The following IMPA2 variants were observed in gnomAD, a reference collection of about 807,000 sequenced individuals.
IMPA2 encodes the protein IMP 2.
In IMPA2, 32 loss-of-function variants were observed where a neutral mutation model predicts 35.1. That is an observed-to-expected ratio of 0.91 (90% CI 0.69 to 1.23). IMPA2 has a LOEUF of 1.23. IMPA2 is among the 50% of genes most tolerant of loss of function. The pLI is 0.00. For missense variants in IMPA2, 334 were observed against 387.6 expected, an observed-to-expected ratio of 0.86 and a Z score of 1.16; for synonymous variants, 135 against 160.6, an observed-to-expected ratio of 0.84 and a Z score of 1.20.
chr18:12,017,347 G>A (rs886720529), intron 5 of IMPA2, among the ~76,000 whole-genome samples: 6 of 152,106 alleles, frequency 3.9e-5, no homozygotes, highest in African/African-American at 7.2e-5. Flanking sequence ...GTACTTCAGC[G>A]TGTCTCCAAA....
In IMPA2 at chr18:12,030,507, G is replaced by A. The variant is rs759413328; in HGVS notation, c.*49G>A. 3.3e-6 allele frequency: 5 copies of A among 1,499,290 alleles called. No individual in the cohort carries two copies. Among genetic ancestry groups the A allele is most frequent in the Non-Finnish European group, 4.6e-6 (5 of 1,076,628 alleles). The allele number at this position is 1,499,290 out of a possible 1,614,324, so 92.9% of individuals were successfully genotyped here. A position where few individuals can be genotyped will look rare whatever the true frequency, so the allele number is the denominator to read the frequency against. On this transcript the variant is annotated 3_prime_UTR_variant, in exon 8 of 8. Coordinates refer to ENST00000269159, the MANE Select transcript of IMPA2 (RefSeq NM_014214.3). ...CCAAGGCCTCCCTGGGCTGCTGTGG[G>A]CTCCTGGGGAGGTGGCCCTCGTGGC...
chr18:11,981,579 G>A lies in IMPA2; in HGVS notation c.-91G>A. The A allele has an allele frequency of 2.4e-6, 2 of 820,760 alleles. No homozygotes were observed. Among genetic ancestry groups the A allele is most frequent in the Non-Finnish European group, 3.3e-6 (2 of 614,192 alleles). The allele number at this position is 820,760 out of a possible 1,614,324, so 50.8% of individuals were successfully genotyped here. On this transcript the variant is annotated 5_prime_UTR_variant, in exon 1 of 8. In the 5' UTR this introduces an upstream ATG that the reference lacks. Coordinates refer to ENST00000269159, the MANE Select transcript of IMPA2 (RefSeq NM_014214.3). ...AGAGCTGCGGGAGCAGGCACAGGGA[G>A]TGTGGAGCCTGGCGGCGGGACGGCG...
intron 1 of IMPA2, among the ~76,000 whole-genome samples, chr18:11,987,067 TG>T (rs1346247714): frequency 1.3e-5 from 2 of 152,246 alleles, no homozygotes; most frequent in African/African-American, 4.8e-5. Context: ...CTCCTTGGTG[TG>T]GTCACACTCC....
intron 2 of IMPA2, among the ~76,000 whole-genome samples, chr18:12,008,883 C>G (rs1907354251): frequency 6.6e-6 from 1 of 152,148 alleles, no homozygotes; most frequent in Non-Finnish European, 1.5e-5. Flanking sequence ...TGCAGAGGGA[C>G]TCATTACAAA....
At chr18:12,021,698 G>A (rs1271828500) in intron 5 of IMPA2, 1 of 152,148 alleles carries the variant, frequency 6.6e-6, no homozygotes, top group African/African-American at 2.4e-5. Flanking sequence ...TGTATGTTTG[G>A]TAGAGATGGG....
chr18:11,990,282 C>G (rs913711077), intron 1 of IMPA2, among the ~76,000 whole-genome samples: 3 of 152,196 alleles, frequency 2.0e-5, no homozygotes, highest in African/African-American at 7.2e-5. Flanking sequence ...AGTGTGCAGG[C>G]GGACTGGGAG....
At chr18:11,987,741 G>A (rs968416417) in intron 1 of IMPA2, among the ~76,000 whole-genome samples, 1 of 152,004 alleles carries the variant, frequency 6.6e-6, no homozygotes, top group African/African-American at 2.4e-5. Context: ...TTTCTGTTGG[G>A]GATTTATTAA....
At chr18:12,025,327 C>G (rs1413024359) in intron 5 of IMPA2, among the ~76,000 whole-genome samples, 1 of 152,184 alleles carries the variant, frequency 6.6e-6, no homozygotes, top group South Asian at 2.1e-4. Context: ...TAAATCTGCT[C>G]TTAACACTGG....
intron 7 of IMPA2, among the ~76,000 whole-genome samples, chr18:12,029,678 C>T (rs1401116697): frequency 6.6e-6 from 1 of 152,206 alleles, no homozygotes; most frequent in Non-Finnish European, 1.5e-5. Flanking sequence ...GCCTCGGCCT[C>T]CCAAAGTGCT....
chr18:12,008,279 A>C, intron 2 of IMPA2: 9 of 501,270 alleles, frequency 1.8e-5, no homozygotes, highest in South Asian at 1.3e-4. Context: ...TACAGGCGTG[A>C]GCCACCGCGC....
intron 3 of IMPA2, among the ~76,000 whole-genome samples, chr18:12,011,308 A>G (rs1226002214): frequency 6.6e-6 from 1 of 152,198 alleles, no homozygotes; most frequent in Non-Finnish European, 1.5e-5. Context: ...TGTGGTCTGA[A>G]GACATCCGAA....
chr18:12,021,840 C>CTCAAATGACTTCTCTCATTA (rs755047376), intron 5 of IMPA2: 1 of 152,186 alleles, frequency 6.6e-6, no homozygotes, highest in Non-Finnish European at 1.5e-5. Flanking sequence ...TTTCAGTGTA[C>CTCAAATGACTTCTCTCATTA]TCAAATGACT....
At chr18:12,014,832 G>A (rs1384798737) in intron 5 of IMPA2, among the ~76,000 whole-genome samples, 1 of 152,130 alleles carries the variant, frequency 6.6e-6, no homozygotes, top group Non-Finnish European at 1.5e-5. Flanking sequence ...TGGGGAATGA[G>A]TCATGTGAAG....
chr18:12,000,647 G>C (rs1400154651), intron 2 of IMPA2, among the ~76,000 whole-genome samples: 1 of 132,210 alleles, frequency 7.6e-6, no homozygotes, highest in African/African-American at 2.9e-5. Flanking sequence ...ATGGAGTCTT[G>C]CTCTGGCGTC....
At chr18:11,989,135 G>A (rs1906741693) in intron 1 of IMPA2, among the ~76,000 whole-genome samples, 1 of 152,224 alleles carries the variant, frequency 6.6e-6, no homozygotes, top group South Asian at 2.1e-4. Flanking sequence ...AGGAGAGCAG[G>A]CTTGGCCACT....
intron 2 of IMPA2, among the ~76,000 whole-genome samples, chr18:12,004,919 C>CT (rs1309207415): frequency 3.9e-5 from 6 of 152,222 alleles, no homozygotes; most frequent in Admixed American, 1.3e-4. Context: ...AGAGCAGACT[C>CT]TCCCCACTCC....
At chr18:11,985,418 A>G (rs1906638249) in intron 1 of IMPA2, among the ~76,000 whole-genome samples, 1 of 152,206 alleles carries the variant, frequency 6.6e-6, no homozygotes, top group Non-Finnish European at 1.5e-5. Context: ...AGAAAGATAA[A>G]TTCAGCATTT....
chr18:11,982,632 T>C (rs972234735), intron 1 of IMPA2, among the ~76,000 whole-genome samples: 3 of 152,124 alleles, frequency 2.0e-5, no homozygotes, highest in Non-Finnish European at 4.4e-5. Context: ...CCGTCTCTAC[T>C]GAAAATACAA....
intron 2 of IMPA2, among the ~76,000 whole-genome samples, chr18:12,003,329 G>A (rs1336704541): frequency 6.6e-6 from 1 of 152,084 alleles, no homozygotes; most frequent in African/African-American, 2.4e-5. Flanking sequence ...TGAAGTCCCA[G>A]CATTTAACTC....
Sources: allele counts gnomAD v4.1 joint callset (sites outside exome capture counted in the v4.1 genomes callset), GRCh38; gene constraint gnomAD v4.1.1; transcripts MANE v1.5; gene names NCBI Gene and HGNC (gene_info 2026-07-23, HGNC 2026-07-21).